FHIT: variants seen among roughly 807,000 people sequenced by gnomAD.
FHIT encodes the protein fragile histidine triad diadenosine triphosphatase.
A neutral mutation model predicts 17.9 loss-of-function variants in FHIT; 19 were observed. The observed-to-expected ratio is 1.06, with a 90% CI of 0.74 to 1.56. The LOEUF is 1.56. Among genes scored for constraint, FHIT ranks in the 40% most tolerant of loss-of-function variants. FHIT has a pLI of 0.00. For missense variants in FHIT, 248 were observed against 189.2 expected (o/e 1.31, Z -1.82); for synonymous variants, 81 against 69.7 (o/e 1.16, Z -0.81).
At chr3:60,160,601 AGAAAATGGCTTTTTGTGGTGAG>A (rs1192975018) in intron 5 of FHIT, among the ~76,000 whole-genome samples, 8 of 152,204 alleles carry the variant, frequency 5.3e-5, no homozygotes, top group Non-Finnish European at 8.8e-5. Flanking sequence ...GAGTAGAGAA[AGAAAATGGCTTTTTGTGGTGAG>A]CATCTGCTGT....
chr3:60,068,423 A>G (rs1702616330), intron 5 of FHIT, among the ~76,000 whole-genome samples: 1 of 152,210 alleles, frequency 6.6e-6, no homozygotes, highest in Non-Finnish European at 1.5e-5. Flanking sequence ...AGAACAAGAA[A>G]AGAGTAAAAA....
At chr3:60,551,955 A>C (rs1218659248) in intron 4 of FHIT, among the ~76,000 whole-genome samples, 1 of 152,046 alleles carries the variant, frequency 6.6e-6, no homozygotes, top group East Asian at 1.9e-4. Flanking sequence ...TTTTACCCCC[A>C]AAAGAGAAAC....
At chr3:60,156,138 C>G (rs1463089900) in intron 5 of FHIT, among the ~76,000 whole-genome samples, 1 of 149,854 alleles carries the variant, frequency 6.7e-6, no homozygotes, top group African/African-American at 2.4e-5. Flanking sequence ...AGGATCATGA[C>G]GTCAGGAGTT....
At chr3:60,453,184 A>G (rs2031860801) in intron 5 of FHIT, among the ~76,000 whole-genome samples, 1 of 144,878 alleles carries the variant, frequency 6.9e-6, no homozygotes, top group Non-Finnish European at 1.5e-5. Context: ...TAATTATTTT[A>G]TGCCTGAGCA....
intron 5 of FHIT, among the ~76,000 whole-genome samples, chr3:60,092,305 C>A (rs549350499): frequency 6.6e-6 from 1 of 152,164 alleles, no homozygotes; most frequent in Non-Finnish European, 1.5e-5. Context: ...TAAAGATCTA[C>A]AGTCTTTGTA....
At chr3:60,265,988 T>A (rs536655691) in intron 5 of FHIT, among the ~76,000 whole-genome samples, 59 of 152,114 alleles carry the variant, frequency 3.9e-4, no homozygotes, top group African/African-American at 1.3e-3. Context: ...GCATCTAATT[T>A]ATTATATACA....
At chr3:60,543,753 G>A (rs557681194) in intron 4 of FHIT, among the ~76,000 whole-genome samples, 2 of 151,646 alleles carry the variant, frequency 1.3e-5, no homozygotes, top group African/African-American at 2.4e-5. Flanking sequence ...TTGTTGTTTT[G>A]TTTTGTTTTC....
chr3:60,707,438 C>A (rs573874789), intron 4 of FHIT, among the ~76,000 whole-genome samples: 2 of 152,218 alleles, frequency 1.3e-5, no homozygotes, highest in African/African-American at 4.8e-5. Context: ...AATCTATCCA[C>A]GGATAAATTA....
chr3:59,853,308 C>G (rs1256186997), intron 8 of FHIT, among the ~76,000 whole-genome samples: 1 of 152,176 alleles, frequency 6.6e-6, no homozygotes, highest in Non-Finnish European at 1.5e-5. Context: ...GTTCAAGAAG[C>G]TGAAACTCAA....
intron 5 of FHIT, among the ~76,000 whole-genome samples, chr3:60,428,439 G>C (rs1165872269): frequency 6.6e-6 from 1 of 152,082 alleles, no homozygotes; most frequent in African/African-American, 2.4e-5. Flanking sequence ...TGAACCATCA[G>C]GGTAAACTGA....
intron 3 of FHIT, among the ~76,000 whole-genome samples, chr3:60,901,562 G>A (rs1423510809): frequency 6.6e-6 from 1 of 152,316 alleles, no homozygotes; most frequent in East Asian, 1.9e-4. Flanking sequence ...GGTAAAAAGT[G>A]TAGTTACTGA....
chr3:60,637,087 C>A (rs2039606809), intron 4 of FHIT, among the ~76,000 whole-genome samples: 7 of 152,112 alleles, frequency 4.6e-5, no homozygotes, highest in Admixed American at 3.3e-4. Context: ...TTTCAACCCT[C>A]TGAGTCACTG....
intron 7 of FHIT, among the ~76,000 whole-genome samples, chr3:59,934,035 T>C (rs1706104020): frequency 6.6e-6 from 1 of 152,094 alleles, no homozygotes; most frequent in Admixed American, 6.6e-5. Context: ...ACCTCAAGCA[T>C]GCTAGAAACC....
intron 5 of FHIT, among the ~76,000 whole-genome samples, chr3:60,404,587 A>G (rs1378916282): frequency 6.6e-6 from 1 of 152,132 alleles, no homozygotes. Flanking sequence ...CCACCATAGA[A>G]CTTGTATTAC....
chr3:60,592,345 AT>A (rs1281421323), intron 4 of FHIT, among the ~76,000 whole-genome samples: 1 of 151,720 alleles, frequency 6.6e-6, no homozygotes, highest in Non-Finnish European at 1.5e-5. Flanking sequence ...CGAATAAAAA[AT>A]ATGTATCTAG....
At chr3:60,724,088 G>C (rs1553708755) in intron 4 of FHIT, among the ~76,000 whole-genome samples, 1 of 152,024 alleles carries the variant, frequency 6.6e-6, no homozygotes, top group African/African-American at 2.4e-5. Flanking sequence ...TCAATTTTAG[G>C]ACATTTTCAT....
At chr3:60,218,075 T>C (rs77996645) in intron 5 of FHIT, among the ~76,000 whole-genome samples, 3,962 of 152,240 alleles carry the variant, frequency 0.026, 71 homozygotes, top group Middle Eastern at 0.078. Flanking sequence ...TTTTAAAGTA[T>C]TATTTTAAAA....
intron 5 of FHIT, among the ~76,000 whole-genome samples, chr3:60,053,603 G>T (rs1460607187): frequency 3.3e-5 from 5 of 151,854 alleles, no homozygotes; most frequent in Non-Finnish European, 7.4e-5. Flanking sequence ...CAACATTAAT[G>T]CCTTATAAAA....
intron 4 of FHIT, among the ~76,000 whole-genome samples, chr3:60,790,866 C>T (rs782255715): frequency 6.6e-6 from 1 of 152,128 alleles, no homozygotes; most frequent in Non-Finnish European, 1.5e-5. Context: ...CAATCCAATG[C>T]AAGATGTTAA....
Sources: allele counts gnomAD v4.1 joint callset (sites outside exome capture counted in the v4.1 genomes callset), GRCh38; gene constraint gnomAD v4.1.1; transcripts MANE v1.5; gene names NCBI Gene and HGNC (gene_info 2026-07-23, HGNC 2026-07-21).